MGAT4C: variants seen among roughly 807,000 people sequenced by gnomAD.
The protein encoded by MGAT4C is MGAT4 family member C.
In MGAT4C, 19 loss-of-function variants were observed where a neutral mutation model predicts 40.1. That is an observed-to-expected ratio of 0.47 (90% confidence interval 0.33 to 0.70). The LOEUF (loss-of-function observed/expected upper bound fraction) is 0.70. MGAT4C is among the 30% of genes least tolerant of loss of function. The probability of loss-of-function intolerance (pLI) is 0.02; values close to 1 mark genes in which losing one functional copy is unlikely to be tolerated. For missense variants in MGAT4C, 491 were observed against 563.2 expected (o/e 0.87, Z 1.30); for synonymous variants, 181 against 187.1 (o/e 0.97, Z 0.27).
chr12:86,043,782 A>G (rs951502063), intron 2 of MGAT4C, among the ~76,000 whole-genome samples: 3 of 152,130 alleles, frequency 2.0e-5, no homozygotes, highest in African/African-American at 7.2e-5. Flanking sequence ...TGGTCTCTTT[A>G]CATTTTTGTA....
At chr12:86,558,205 A>C (rs566788809) in intron 2 of MGAT4C, among the ~76,000 whole-genome samples, 1 of 152,242 alleles carries the variant, frequency 6.6e-6, no homozygotes, top group East Asian at 1.9e-4. Context: ...TATATGACAT[A>C]TATGACATCA....
chr12:86,257,784 G>A (rs150747689), upstream of MGAT4C, among the ~76,000 whole-genome samples: 13 of 152,244 alleles, frequency 8.5e-5, no homozygotes, highest in Middle Eastern at 6.8e-3. Context: ...TGAGAAGCGA[G>A]TTAGCATGTG....
At chr12:86,265,408 A>T (rs1328464904) in intron 4 of MGAT4C, among the ~76,000 whole-genome samples, 1 of 152,174 alleles carries the variant, frequency 6.6e-6, no homozygotes, top group African/African-American at 2.4e-5. Flanking sequence ...ACCACTGTTT[A>T]TTGAAAAGGG....
chr12:86,751,395 G>A lies in MGAT4C; in HGVS notation c.-261-24154C>T, dbSNP rs553832586. Among the ~76,000 whole-genome samples, 5 of 152,060 alleles carry A rather than the reference G, an allele frequency of 3.3e-5. No homozygotes were observed. In the East Asian group the frequency reaches 9.7e-4, roughly 30 times the overall value. ...TAACGAACATTAACCAGGTAAGTGT[G>A]CAGATGTAAAAATCCAATATCCTAT... On this transcript the variant is annotated intron_variant, in intron 1 of 7. Coordinates refer to the MGAT4C transcript ENST00000548651.
intron 1 of MGAT4C, among the ~76,000 whole-genome samples, chr12:86,159,056 C>T (rs964402742): frequency 6.6e-6 from 1 of 152,132 alleles, no homozygotes; most frequent in African/African-American, 2.4e-5. Context: ...CTGGCTAGGA[C>T]TTCCAGTACT....
chr12:86,643,683 G>A (rs1963456141), intron 2 of MGAT4C, among the ~76,000 whole-genome samples: 1 of 151,814 alleles, frequency 6.6e-6, no homozygotes, highest in Admixed American at 6.6e-5. Context: ...GAGGCCTGGA[G>A]GGGAAAATGA....
chr12:86,762,562 C>T (rs766261990), intron 1 of MGAT4C, among the ~76,000 whole-genome samples: 18 of 152,152 alleles, frequency 1.2e-4, no homozygotes, highest in Non-Finnish European at 1.9e-4. Context: ...GACAATTTCT[C>T]GCATCATTAT....
intron 1 of MGAT4C, among the ~76,000 whole-genome samples, chr12:86,229,402 A>T (rs529731860): frequency 2.0e-5 from 3 of 152,094 alleles, no homozygotes; most frequent in East Asian, 3.9e-4. Flanking sequence ...TATTGGGAGA[A>T]TATAGAAAGT....
intron 2 of MGAT4C, among the ~76,000 whole-genome samples, chr12:86,022,036 T>C (rs1889786216): frequency 6.6e-6 from 1 of 152,208 alleles, no homozygotes; most frequent in South Asian, 2.1e-4. Context: ...TTTCTTAAGC[T>C]TGTTATTAAA....
intron 1 of MGAT4C, among the ~76,000 whole-genome samples, chr12:86,740,170 TTC>T (rs1951047016): frequency 1.3e-5 from 2 of 151,210 alleles, no homozygotes; most frequent in South Asian, 2.1e-4. Flanking sequence ...GAAAGCTATG[TTC>T]TCTTTTTATG....
At chr12:86,145,770 T>G (rs1883427391) in intron 1 of MGAT4C, among the ~76,000 whole-genome samples, 1 of 152,200 alleles carries the variant, frequency 6.6e-6, no homozygotes, top group Non-Finnish European at 1.5e-5. Flanking sequence ...AAAATTATTT[T>G]AGGATTATAA....
At chr12:86,297,277 G>A (rs1249650933) in intron 4 of MGAT4C, among the ~76,000 whole-genome samples, 2 of 152,132 alleles carry the variant, frequency 1.3e-5, no homozygotes, top group African/African-American at 2.4e-5. Context: ...ATGTCCTGGA[G>A]AGTTTATTTC....
Position 85,961,999 on chromosome 12 carries a change from TGTG to T in MGAT4C, c.*17287_*17289del, listed in dbSNP as rs1328186755. ...TTCTTTTGTGTATCTGAATGGAACA[TGTG>T]GTAAACACAACAGTAGAATATACCT... On this transcript the variant is annotated 3_prime_UTR_variant, in exon 5 of 5. Coordinates refer to ENST00000611864, the MANE Select transcript of MGAT4C (RefSeq NM_001351288.2). 8 of 151,916 alleles carry T rather than the reference TGTG, an allele frequency of 5.3e-5. No homozygotes were observed. The highest frequency in any genetic ancestry group is 2.4e-5 in the African/African-American group (1 of 41,434). The allele number at this position is 151,916 out of a possible 1,614,324, so 9.4% of individuals were successfully genotyped here. A position where few individuals can be genotyped will look rare whatever the true frequency, so the allele number is the denominator to read the frequency against.
chr12:86,241,422 G>T (rs1951777872), intron 1 of MGAT4C, among the ~76,000 whole-genome samples: 1 of 152,142 alleles, frequency 6.6e-6, no homozygotes. Context: ...ATGTAAAAAA[G>T]GATCATCTCT....
chr12:86,299,348 ACCT>A (rs1279620810), intron 4 of MGAT4C, among the ~76,000 whole-genome samples: 3 of 152,068 alleles, frequency 2.0e-5, no homozygotes, highest in Non-Finnish European at 4.4e-5. Flanking sequence ...CCATCTACTG[ACCT>A]CGTGATCCGC....
At chr12:86,486,275 T>C (rs924761162) in intron 2 of MGAT4C, among the ~76,000 whole-genome samples, 1 of 151,886 alleles carries the variant, frequency 6.6e-6, no homozygotes, top group Non-Finnish European at 1.5e-5. Context: ...GAAAGGTCTA[T>C]GAAAAGACAA....
chr12:86,580,415 A>G (rs1345663842), intron 2 of MGAT4C, among the ~76,000 whole-genome samples: 2 of 151,530 alleles, frequency 1.3e-5, no homozygotes, highest in Non-Finnish European at 3.0e-5. Flanking sequence ...TATAGATTAT[A>G]GTCTGGTTCA....
intron 2 of MGAT4C, among the ~76,000 whole-genome samples, chr12:86,712,258 C>G (rs1412739925): frequency 6.6e-6 from 1 of 151,796 alleles, no homozygotes; most frequent in African/African-American, 2.4e-5. Flanking sequence ...TGCTTCTTTA[C>G]CCTGCAACAA....
In MGAT4C at chr12:86,168,855, T is replaced by C. The variant is rs950698353; in HGVS notation, c.-57+87384A>G. Among the ~76,000 whole-genome samples the C allele has an allele frequency of 2.0e-5, 3 of 152,284 alleles. No individual in the cohort carries two copies. The East Asian group carries it at 5.8e-4, about 29-fold the overall frequency. The stretch of plus-strand genomic sequence containing the variant: ...TCAGAAAACAAAAGAGTCTTTTCTT[T>C]TGCTGTAGTCCAGGTCCCGTACCAT... On this transcript the variant is annotated intron_variant, in intron 1 of 4. Coordinates refer to ENST00000611864, the MANE Select transcript of MGAT4C (RefSeq NM_001351288.2).
Sources: gnomAD v4.1 joint callset for allele counts (sites outside exome capture counted in the v4.1 genomes callset) on GRCh38, gnomAD v4.1.1 for gene constraint, MANE v1.5 for transcripts, NCBI Gene and HGNC (gene_info 2026-07-23, HGNC 2026-07-21) for gene names.